Variants in EEA1 observed in about 807,000 individuals in gnomAD.
EEA1 encodes the protein early endosome antigen 1, 162kD.
EEA1 carries 111 observed loss-of-function variants against 209.2 expected under a neutral mutation model. That is an observed-to-expected ratio of 0.53 (90% CI 0.45 to 0.62). EEA1 has a LOEUF of 0.62. Among genes scored for constraint, EEA1 ranks in the 20% least tolerant of loss-of-function variants. The pLI, the probability that EEA1 is intolerant of heterozygous loss-of-function variation, is 0.00. For missense variants in EEA1, 1,343 were observed against 1,530.8 expected, an observed-to-expected ratio of 0.88 and a Z score of 2.05; for synonymous variants, 536 against 540.6, an observed-to-expected ratio of 0.99 and a Z score of 0.12.
chr12:92,911,283 T>G (rs1358973798), intron 1 of EEA1, among the ~76,000 whole-genome samples: 1 of 152,110 alleles, frequency 6.6e-6, no homozygotes, highest in African/African-American at 2.4e-5. Context: ...ACCCAGACAA[T>G]ATTCTCCAGC....
intron 9 of EEA1, among the ~76,000 whole-genome samples, chr12:92,849,623 G>A (rs1877527719): frequency 6.6e-6 from 1 of 152,166 alleles, no homozygotes; most frequent in Non-Finnish European, 1.5e-5. Context: ...GTTAGAGAGT[G>A]TAGTGTTAGG....
Position 92,787,999 on chromosome 12 carries a change from T to C in EEA1, c.3018A>G (p.Glu1006=). 1 of 1,610,942 alleles carries C rather than the reference T, an allele frequency of 6.2e-7. No homozygotes were observed. The highest frequency in any genetic ancestry group is 8.5e-7 in the Non-Finnish European group (1 of 1,178,570). The change falls in exon 22 of 29, where the codon GAA becomes GAG. Residue 1006 remains glutamate, a synonymous_variant. Transcript: ENST00000322349. ...ATATTTTCTCTTTCTCTGCTGCAAG[T>C]TCCTGGGCTGCCTGTGTTAACTGCT... The part of the protein sequence containing the change: ...LQQQLTQAAQ[E]LAAEKEKISV...
intron 2 of EEA1, among the ~76,000 whole-genome samples, chr12:92,888,595 C>CAAAAAAAA (rs905395194): frequency 8.0e-6 from 1 of 125,322 alleles, no homozygotes. Flanking sequence ...AACAAACAAA[C>CAAAAAAAA]AAAAAAAAAA....
At chr12:92,814,211 AT>A (rs1592716261) in intron 15 of EEA1, among the ~76,000 whole-genome samples, 1 of 152,142 alleles carries the variant, frequency 6.6e-6, no homozygotes, top group Non-Finnish European at 1.5e-5. Flanking sequence ...AATTCAAATA[AT>A]TTTTTCTCAA....
chr12:92,825,410 C>T (rs775495925), intron 13 of EEA1, among the ~76,000 whole-genome samples: 1 of 151,252 alleles, frequency 6.6e-6, no homozygotes, highest in Non-Finnish European at 1.5e-5. Flanking sequence ...GCCGAGATAG[C>T]GCCACTGCAC....
chr12:92,914,720 G>C (rs573689941), intron 1 of EEA1, among the ~76,000 whole-genome samples: 83 of 151,362 alleles, frequency 5.5e-4, no homozygotes, highest in Non-Finnish European at 9.4e-4. Flanking sequence ...CTGGAGTGCA[G>C]TGATGTGAGC....
chr12:92,865,941 G>C (rs140874066), intron 2 of EEA1, among the ~76,000 whole-genome samples: 110 of 151,578 alleles, frequency 7.3e-4, no homozygotes, highest in Non-Finnish European at 1.5e-3. Flanking sequence ...GTAGAGATGG[G>C]GTTTCGCCAT....
rs1873543995 is a variant in EEA1, at chr12:92,774,019, C to A, written c.*1992G>T. ...TTAGGAGACAAAGTAAACAAATATTCAAACCCAGATTTCTCATGGAATTTA... is the reference window on the plus strand; with the variant it reads ...TTAGGAGACAAAGTAAACAAATATTAAAACCCAGATTTCTCATGGAATTTA... On this transcript the variant is annotated 3_prime_UTR_variant, in exon 29 of 29. Coordinates refer to ENST00000322349, the MANE Select transcript of EEA1 (RefSeq NM_003566.4). 8.2e-6 allele frequency: 1 copy of A among 122,660 alleles called. No homozygotes were observed. 7.6% of individuals were successfully genotyped at this position (122,660 alleles called of 1,614,324 possible).
chr12:92,839,219 C>T (rs1877055619), intron 10 of EEA1, among the ~76,000 whole-genome samples: 1 of 151,968 alleles, frequency 6.6e-6, no homozygotes, highest in African/African-American at 2.4e-5. Flanking sequence ...CTCAGTGAAC[C>T]AATATTTTCC....
At chr12:92,829,238 C>A (rs1248658216) in intron 11 of EEA1, among the ~76,000 whole-genome samples, 1 of 151,734 alleles carries the variant, frequency 6.6e-6, no homozygotes, top group Non-Finnish European at 1.5e-5. Context: ...ACCCGGGCGG[C>A]AGAGGTTGCA....
chr12:92,801,282 T>C (rs1342821767), intron 20 of EEA1, among the ~76,000 whole-genome samples: 3 of 152,140 alleles, frequency 2.0e-5, no homozygotes, highest in South Asian at 4.1e-4. Flanking sequence ...CTTAACCCTG[T>C]AGTTAGCTGA....
At chr12:92,800,032 G>A (rs1337581208) in intron 20 of EEA1, among the ~76,000 whole-genome samples, 1 of 151,882 alleles carries the variant, frequency 6.6e-6, no homozygotes, top group Non-Finnish European at 1.5e-5. Flanking sequence ...AGACCAGCCT[G>A]GGCAACATGG....
intron 10 of EEA1, among the ~76,000 whole-genome samples, chr12:92,841,055 G>C (rs182889087): frequency 9.2e-5 from 14 of 152,300 alleles, no homozygotes; most frequent in Non-Finnish European, 1.8e-4. Flanking sequence ...AAATCTGCTA[G>C]TGCCTTGATT....
intron 1 of EEA1, among the ~76,000 whole-genome samples, chr12:92,923,241 G>A (rs1307554561): frequency 2.0e-5 from 3 of 151,084 alleles, no homozygotes; most frequent in African/African-American, 7.3e-5. Flanking sequence ...CCAGCTACTC[G>A]GGAGGCTGAG....
intron 22 of EEA1, among the ~76,000 whole-genome samples, chr12:92,785,124 T>G (rs1168236502): frequency 6.6e-6 from 1 of 152,116 alleles, no homozygotes; most frequent in African/African-American, 2.4e-5. Flanking sequence ...TATTTAATTC[T>G]AAATCTATTA....
intron 1 of EEA1, among the ~76,000 whole-genome samples, chr12:92,916,886 G>C (rs1156820485): frequency 1.4e-5 from 2 of 146,616 alleles, no homozygotes; most frequent in African/African-American, 5.2e-5. Context: ...AACCAATACA[G>C]AGAAGTGCTT....
intron 27 of EEA1, 37 bp from the exon 28 acceptor site, chr12:92,776,979 C>A: frequency 1.9e-6 from 3 of 1,589,560 alleles, no homozygotes; most frequent in South Asian, 2.2e-5. Flanking sequence ...TTATAGTATT[C>A]AACATTTTAA....
chr12:92,781,187 G>A (rs530631322), intron 23 of EEA1, among the ~76,000 whole-genome samples: 1 of 152,240 alleles, frequency 6.6e-6, no homozygotes, highest in African/African-American at 2.4e-5. Context: ...TGAGATAACA[G>A]GCATGAGCCA....
At chr12:92,843,754 T>C (rs1002739187) in intron 9 of EEA1, among the ~76,000 whole-genome samples, 1 of 152,172 alleles carries the variant, frequency 6.6e-6, no homozygotes, top group African/African-American at 2.4e-5. Flanking sequence ...TCTTTATTAC[T>C]GAATAAACTT....
Sources: gnomAD v4.1 joint callset for allele counts (sites outside exome capture counted in the v4.1 genomes callset) on GRCh38, gnomAD v4.1.1 for gene constraint, MANE v1.5 for transcripts, NCBI Gene and HGNC (gene_info 2026-07-23, HGNC 2026-07-21) for gene names.